PRDM4: variants seen among roughly 807,000 people sequenced by gnomAD.
PRDM4 encodes PR domain zinc finger protein 4.
Under a neutral mutation model 62.3 loss-of-function variants are expected in PRDM4, and 38 were observed. The observed-to-expected ratio is 0.61, with a 90% CI of 0.47 to 0.80. The LOEUF is 0.80. Among genes scored for constraint, PRDM4 ranks in the 30% least tolerant of loss-of-function variants. The pLI is 0.00. For missense variants in PRDM4, 858 were observed against 997.1 expected (o/e 0.86, Z 1.88); for synonymous variants, 339 against 348.2 (o/e 0.97, Z 0.30).
At position 107,742,488 on chromosome 12, in the gene PRDM4, C is replaced by T. The variant is rs1431511659; in HGVS notation, c.1482-140G>A. Reference sequence around the variant, plus strand: ...CCTCTGGAATGTTTTTGTAATTTCCCGTCCTATCTATGAGAAGGCAGTTGT... The same window carrying T: ...CCTCTGGAATGTTTTTGTAATTTCCTGTCCTATCTATGAGAAGGCAGTTGT... On this transcript the variant is annotated intron_variant, in intron 8 of 11. Coordinates refer to ENST00000228437, the MANE Select transcript of PRDM4 (RefSeq NM_012406.4). 1.0e-5 allele frequency: 10 copies of T among 986,580 alleles called. No homozygotes were observed. The East Asian group carries it at 2.0e-4, about 20-fold the overall frequency. 61.1% of individuals were successfully genotyped at this position (986,580 alleles called of 1,614,324 possible). A position where few individuals can be genotyped will look rare whatever the true frequency, so the allele number is the denominator to read the frequency against.
In PRDM4 at chr12:107,744,719, G is replaced by C. The variant is rs1489993056; in HGVS notation, c.1277-58C>G. On this transcript the variant is annotated intron_variant, in intron 6 of 11. Coordinates refer to ENST00000228437, the MANE Select transcript of PRDM4 (RefSeq NM_012406.4). The stretch of plus-strand genomic sequence containing the variant: ...ATGATTTAAACAGCAAGATACAGAA[G>C]AAAGAGGTGCTTCACCCATGCAAAG... The C allele has an allele frequency of 1.9e-6, 3 of 1,593,568 alleles. No individual in the cohort carries two copies. The African/African-American group carries it at 4.0e-5, about 21-fold the overall frequency.
intron 11 of PRDM4, chr12:107,739,152 A>G (rs779240344): frequency 2.2e-6 from 1 of 445,974 alleles, no homozygotes. Context: ...AAAAAAGAGT[A>G]CATGTGAAAA....
At position 107,734,529 on chromosome 12, in the gene PRDM4, G is replaced by A. The variant is rs1240557495; in HGVS notation, c.2094-7C>T. The A allele has an allele frequency of 6.3e-7, 1 of 1,599,870 alleles. No homozygotes were observed. Among genetic ancestry groups the A allele is most frequent in the Admixed American group, 1.7e-5 (1 of 57,474 alleles). On this transcript the variant is annotated splice_polypyrimidine_tract_variant and splice_region_variant and intron_variant, in intron 11 of 11. Coordinates refer to ENST00000228437, the MANE Select transcript of PRDM4 (RefSeq NM_012406.4). ...ACACTTGATCTGGCGTTCTCTAAGAGGAACACAAGAAAAAACATTTGATTT... is the reference window on the plus strand; with the variant it reads ...ACACTTGATCTGGCGTTCTCTAAGAAGAACACAAGAAAAAACATTTGATTT...
chr12:107,740,181 T>C (rs1890471134), intron 10 of PRDM4, among the ~76,000 whole-genome samples: 1 of 152,252 alleles, frequency 6.6e-6, no homozygotes, highest in Admixed American at 6.5e-5. Flanking sequence ...AGTTATTTTG[T>C]AGTATTTATT....
At chr12:107,746,177 G>T in intron 6 of PRDM4, 98 bp downstream of exon 6, 8 of 1,429,540 alleles carry the variant, frequency 5.6e-6, no homozygotes, top group East Asian at 2.3e-5. Flanking sequence ...TTGACTTTTG[G>T]TCCAAATAAT....
At position 107,754,057 on chromosome 12, in the gene PRDM4, A is replaced by T; in HGVS notation, c.198T>A (p.Ser66=). ...CCATTGGTAGCATTAAAGACAGAGC[A>T]GAAGGCAGAGAGCTCAGGGAGGGAC... ...NLGPSLSSLP[S]ALSLMLPMGI... Residue 66 remains serine, a synonymous_variant, in exon 4 of 12, where the codon TCT becomes TCA. Transcript: ENST00000228437. The T allele has an allele frequency of 6.2e-7, 1 of 1,613,840 alleles. No homozygotes were observed. Among genetic ancestry groups the T allele is most frequent in the Non-Finnish European group, 8.5e-7 (1 of 1,179,790 alleles).
Position 107,751,918 on chromosome 12 carries a change from C to A in PRDM4, c.623G>T (p.Gly208Val). The A allele has an allele frequency of 6.2e-7, 1 of 1,614,226 alleles. No individual in the cohort carries two copies. The highest frequency in any genetic ancestry group is 1.6e-4 in the Middle Eastern group (1 of 6,062). Residue 208 changes from glycine to valine, a missense_variant, in exon 5 of 12, where the codon GGA becomes GTA. Physicochemically the swap from Gly to Val is moderately radical, Grantham distance 109 (BLOSUM62 -3). Around this residue, in one of 3 missense-constraint regions of PRDM4, gnomAD observed 499 missense variants for 546.7 expected, o/e 0.91. Transcript: ENST00000228437. ...SRVTSPISTD[G>V]MAEELTMDGV... is the part of the protein sequence containing the mutation. ...GTCCATCGTAAGCTCCTCTGCCATT[C>A]CATCTGTCGAAATTGGGCTGGTAAC...
At chr12:107,751,023 T>G (rs1466626285) in intron 5 of PRDM4, among the ~76,000 whole-genome samples, 1 of 152,142 alleles carries the variant, frequency 6.6e-6, no homozygotes, top group Non-Finnish European at 1.5e-5. Context: ...GCCTCCAGAA[T>G]AGCTGGGACT....
At position 107,751,453 on chromosome 12, in the gene PRDM4, T is replaced by C. The variant is rs757565951; in HGVS notation, c.1088A>G (p.Asn363Ser). ...VSPSLQMEDSNSNKENMATLF... is the reference protein window; with the variant it reads ...VSPSLQMEDSSSNKENMATLF... ...GGTTGCCATGTTCTCCTTGTTTGAA[T>C]TGGAGTCTTCCATTTGCAGTGAAGG... Residue 363 changes from asparagine (N) to serine (S), a missense_variant, in exon 5 of 12, where the codon AAT becomes AGT. Asn to Ser is a conservative substitution (Grantham distance 46). This residue lies in a region of PRDM4 where 499 missense variants were observed against 546.7 expected (regional missense o/e 0.91). Transcript: ENST00000228437. 46 of 1,611,662 alleles carry C rather than the reference T, an allele frequency of 2.9e-5. No homozygotes were observed. The highest frequency in any genetic ancestry group is 3.3e-5 in the Non-Finnish European group (39 of 1,177,958).
intron 11 of PRDM4, 149 bp downstream of exon 11, chr12:107,739,234 G>A: frequency 2.5e-6 from 2 of 794,030 alleles, no homozygotes; most frequent in Non-Finnish European, 3.7e-6. Context: ...CCTTGGCTTG[G>A]CTACATGGAA....
chr12:107,741,915 C>T (rs149829765), intron 9 of PRDM4, among the ~76,000 whole-genome samples: 5 of 152,272 alleles, frequency 3.3e-5, no homozygotes, highest in African/African-American at 4.8e-5. Flanking sequence ...CGAGGGACTT[C>T]GCTGTCCTTC....
chr12:107,745,840 G>A (rs1384040014), intron 6 of PRDM4, among the ~76,000 whole-genome samples: 2 of 152,112 alleles, frequency 1.3e-5, no homozygotes, highest in Non-Finnish European at 2.9e-5. Context: ...AGTAAAGTCT[G>A]GCAATCTACA....
chr12:107,739,501 C>A lies in PRDM4; in HGVS notation c.1975G>T (p.Ala659Ser), dbSNP rs1890445028. ...ATAACCATGTGGGACTCCAGGTGAG[C>A]CTTCTGGGTGAAAGACTTGTCACAC... ...TLCDKSFTQKAHLESHMVIHT... is the reference protein window; with the variant it reads ...TLCDKSFTQKSHLESHMVIHT... The change falls in exon 11 of 12, where the codon GCT becomes TCT. Residue 659 changes from alanine to serine, a missense_variant. Transcript: ENST00000228437. 6.2e-7 allele frequency: 1 copy of A among 1,613,798 alleles called. No individual in the cohort carries two copies. The highest frequency in any genetic ancestry group is 8.5e-7 in the Non-Finnish European group (1 of 1,179,858).
chr12:107,751,825 G>T lies in PRDM4; in HGVS notation c.716C>A (p.Ser239Tyr). 1.2e-6 allele frequency: 2 copies of T among 1,614,244 alleles called. No individual in the cohort carries two copies. The highest frequency in any genetic ancestry group is 1.7e-6 in the Non-Finnish European group (2 of 1,180,038). ...SRSHEPLSVD[S>Y]VSNNLAADAV... ...GTCTGCTGCAAGGTTGTTGCTCACA[G>T]AATCCACAGACAGAGGTTCATGACT... is the stretch of plus-strand genomic sequence containing the variant. Residue 239 changes from serine to tyrosine, a missense_variant, in exon 5 of 12, where the codon TCT becomes TAT. By Grantham distance (144) the Ser-to-Tyr change is moderately radical. Transcript: ENST00000228437.
At chr12:107,735,653 AT>A (rs757318863) in intron 11 of PRDM4, among the ~76,000 whole-genome samples, 32 of 152,096 alleles carry the variant, frequency 2.1e-4, no homozygotes, top group Admixed American at 5.2e-4. Context: ...ACAACAAAAA[AT>A]TAACCCGGTC....
rs563642322 is a variant in PRDM4, at chr12:107,735,972, C to T, written c.2094-1450G>A. Among the ~76,000 whole-genome samples the T allele has an allele frequency of 2.1e-4, 32 of 152,196 alleles. No individual in the cohort carries two copies. The South Asian group carries it at 5.8e-3, about 28-fold the overall frequency. ...ATTCCCTGGAGCAGTTTTAAAACCA[C>T]CAATCTAATCCAACCTCTTAATTCT... On this transcript the variant is annotated intron_variant, in intron 11 of 11. Coordinates refer to ENST00000228437, the MANE Select transcript of PRDM4 (RefSeq NM_012406.4).
chr12:107,746,212 T>C, intron 6 of PRDM4, 63 bp downstream of exon 6: 1 of 1,573,872 alleles, frequency 6.4e-7, no homozygotes, highest in Middle Eastern at 1.7e-4. Flanking sequence ...CATCCACTTT[T>C]ACAACTCTAC....
chr12:107,744,704 C>T (rs745940369), intron 6 of PRDM4, 43 bp from the exon 7 acceptor site: 1 of 1,603,938 alleles, frequency 6.2e-7, no homozygotes, highest in Non-Finnish European at 8.5e-7. Flanking sequence ...ATGATTTAAA[C>T]AGCAAGATAC....
chr12:107,743,069 C>A, intron 8 of PRDM4, 128 bp downstream of exon 8: 1 of 750,006 alleles, frequency 1.3e-6, no homozygotes, highest in Non-Finnish European at 2.2e-6. Flanking sequence ...GCCTGGCTGC[C>A]TTGGGCTTTA....
Sources: gnomAD v4.1 joint callset for allele counts (sites outside exome capture counted in the v4.1 genomes callset) on GRCh38, gnomAD v4.1.1 for gene constraint, gnomAD v4.1.1 regional missense constraint, MANE v1.5 for transcripts, NCBI Gene and HGNC (gene_info 2026-07-23, HGNC 2026-07-21) for gene names.